SH3BP5: variants seen among roughly 807,000 people sequenced by gnomAD.
SH3BP5 encodes SH3 domain binding protein 5.
Under a neutral mutation model 43.3 loss-of-function variants are expected in SH3BP5, and 22 were observed. The observed-to-expected ratio is 0.51, with a 90% CI of 0.36 to 0.73. The LOEUF (loss-of-function observed/expected upper bound fraction) is 0.73. Ranked by LOEUF, SH3BP5 falls within the 30% of genes least tolerant of loss-of-function variation. The pLI is 0.00. For missense variants in SH3BP5, 529 were observed against 586.9 expected (o/e 0.90, Z 1.02); for synonymous variants, 255 against 225.8 (o/e 1.13, Z -1.16).
At chr3:15,299,433 G>A (rs1227803975) in intron 3 of SH3BP5, among the ~76,000 whole-genome samples, 2 of 148,678 alleles carry the variant, frequency 1.3e-5, no homozygotes, top group African/African-American at 2.5e-5. Flanking sequence ...AAATAAAATC[G>A]ATGCAAATTT....
intron 3 of SH3BP5, among the ~76,000 whole-genome samples, chr3:15,284,320 T>G (rs926689166): frequency 6.6e-6 from 1 of 152,216 alleles, no homozygotes; most frequent in Non-Finnish European, 1.5e-5. Flanking sequence ...CCCTCCTTAC[T>G]GCCTAGTTCT....
rs372850792 is a variant in SH3BP5, at chr3:15,315,503, T to C, written c.202-11272A>G. Reference sequence around the variant, plus strand: ...TATCTGAACCACCAAGAGGTTCCTTTCACTAAGAGGACAGAGACAAGGTAA... The same window carrying C: ...TATCTGAACCACCAAGAGGTTCCTTCCACTAAGAGGACAGAGACAAGGTAA... On this transcript the variant is annotated intron_variant, in intron 2 of 8. Coordinates refer to ENST00000383791, the MANE Select transcript of SH3BP5 (RefSeq NM_004844.5). Among the ~76,000 whole-genome samples, 106 of 152,158 alleles carry C rather than the reference T, an allele frequency of 7.0e-4. 1 individual carries two copies. In the South Asian group the frequency reaches 0.022, roughly 31 times the overall value.
At chr3:15,269,688 C>G in intron 4 of SH3BP5, 25 bp downstream of exon 4, 6 of 1,543,978 alleles carry the variant, frequency 3.9e-6, no homozygotes, top group Non-Finnish European at 5.3e-6. Flanking sequence ...CACACCCCCA[C>G]AGCACACCCG....
rs1009239814 is a variant in SH3BP5 at position 15,317,901 on chromosome 3, C to T, written c.201+12603G>A. 3.3e-5 allele frequency among the ~76,000 whole-genome samples: 5 copies of T among 152,148 alleles called. No homozygotes were observed. In the South Asian group the frequency reaches 8.3e-4, roughly 25 times the overall value. ...CAGGGCAAAGATTGAAAACCTGGTC[C>T]CCCAAGTCCTAGACAGCATTCTTTC... is the stretch of plus-strand genomic sequence containing the variant. On this transcript the variant is annotated intron_variant, in intron 2 of 8. Coordinates refer to ENST00000383791, the MANE Select transcript of SH3BP5 (RefSeq NM_004844.5).
chr3:15,274,646 A>G (rs984981220), intron 3 of SH3BP5, among the ~76,000 whole-genome samples: 3 of 152,152 alleles, frequency 2.0e-5, no homozygotes, highest in African/African-American at 7.2e-5. Flanking sequence ...GGTCCATGCC[A>G]CCACCACTGG....
chr3:15,304,358 T>G, intron 2 of SH3BP5, 127 bp from the exon 3 acceptor site: 1 of 1,402,808 alleles, frequency 7.1e-7, no homozygotes, highest in Non-Finnish European at 9.9e-7. Context: ...AAGTAGCACC[T>G]TTACAAGACA....
chr3:15,266,088 C>T (rs1235370770), intron 4 of SH3BP5, among the ~76,000 whole-genome samples: 1 of 152,216 alleles, frequency 6.6e-6, no homozygotes, highest in African/African-American at 2.4e-5. Context: ...AGTTACACTC[C>T]CAACATCTCT....
At chr3:15,266,606 C>T (rs1696653227) in intron 4 of SH3BP5, among the ~76,000 whole-genome samples, 1 of 152,188 alleles carries the variant, frequency 6.6e-6, no homozygotes. Context: ...TGCCCAAGCT[C>T]CCCAGCTGGA....
intron 5 of SH3BP5, 99 bp from the exon 6 acceptor site, chr3:15,259,902 G>T: frequency 9.2e-7 from 1 of 1,081,682 alleles, no homozygotes; most frequent in South Asian, 1.3e-5. Flanking sequence ...CACTGGCCAG[G>T]TCGTCCTTCC....
intron 3 of SH3BP5, chr3:15,273,540 C>T: frequency 3.3e-6 from 1 of 301,596 alleles, no homozygotes; most frequent in Non-Finnish European, 4.9e-6. Flanking sequence ...GTTTGCCTTG[C>T]CATATCACAG....
intron 4 of SH3BP5, among the ~76,000 whole-genome samples, chr3:15,265,512 T>TCACACACACACACACACACAC: frequency 9.3e-6 from 1 of 107,988 alleles, no homozygotes; most frequent in Admixed American, 1.0e-4. Flanking sequence ...CGAGACTCCG[T>TCACACACACACACACACACAC]CACACACACA....
intron 3 of SH3BP5, among the ~76,000 whole-genome samples, chr3:15,292,311 C>T (rs1697434715): frequency 6.6e-6 from 1 of 152,182 alleles, no homozygotes; most frequent in South Asian, 2.1e-4. Flanking sequence ...GTTAGCTTCA[C>T]AGAGAACACT....
At position 15,265,901 on chromosome 3, in the gene SH3BP5, C is replaced by T. The variant is rs140250510; in HGVS notation, c.496-3612G>A. Among the ~76,000 whole-genome samples, 395 of 152,240 alleles carry T rather than the reference C, an allele frequency of 2.6e-3. 4 individuals are homozygous for T. Among genetic ancestry groups the T allele is most frequent in the African/African-American group, 9.0e-3 (375 of 41,558 alleles). ...AAATAGCAAACACCCGGCACCTTCCCGCATGGGCACCACTGGGCACTGATT... is the reference window on the plus strand; with the variant it reads ...AAATAGCAAACACCCGGCACCTTCCTGCATGGGCACCACTGGGCACTGATT... On this transcript the variant is annotated intron_variant, in intron 4 of 8. Coordinates refer to ENST00000383791, the MANE Select transcript of SH3BP5 (RefSeq NM_004844.5).
intron 3 of SH3BP5, among the ~76,000 whole-genome samples, chr3:15,288,708 C>A (rs2125090372): frequency 6.6e-6 from 1 of 152,214 alleles, no homozygotes; most frequent in East Asian, 1.9e-4. Context: ...CCACTGCACT[C>A]CAGCCTGGGT....
At chr3:15,339,027 T>A (rs1698733763) in intron 1 of SH3BP5, among the ~76,000 whole-genome samples, 3 of 152,068 alleles carry the variant, frequency 2.0e-5, no homozygotes, top group Admixed American at 2.0e-4. Flanking sequence ...TCATGGCACA[T>A]AGCAAGGTGG....
chr3:15,284,715 A>C (rs555339680), intron 3 of SH3BP5, among the ~76,000 whole-genome samples: 4 of 152,340 alleles, frequency 2.6e-5, no homozygotes, highest in Admixed American at 2.6e-4. Flanking sequence ...ATGCCATTTA[A>C]CAGAGGCAGA....
intron 1 of SH3BP5, among the ~76,000 whole-genome samples, chr3:15,340,147 G>A (rs1202596869): frequency 6.6e-6 from 1 of 151,926 alleles, no homozygotes; most frequent in Non-Finnish European, 1.5e-5. Context: ...AAGGAAATAG[G>A]CAAGATAGAC....
intron 3 of SH3BP5, among the ~76,000 whole-genome samples, chr3:15,298,815 G>C (rs1575324567): frequency 6.6e-6 from 1 of 152,260 alleles, no homozygotes; most frequent in Non-Finnish European, 1.5e-5. Flanking sequence ...GAGGATTGGG[G>C]AGTTAGTGTT....
Position 15,259,821 on chromosome 3 carries a change from G to GA in SH3BP5, c.627-19dup. On this transcript the variant is annotated intron_variant, in intron 5 of 8. Coordinates refer to ENST00000383791, the MANE Select transcript of SH3BP5 (RefSeq NM_004844.5). ...AATAAGGCCTGCAGAAGACAGGAAG[G>GA]AAAGCCATCAGAGTAATATAATACA... 1 of 1,612,816 alleles carries GA rather than the reference G, an allele frequency of 6.2e-7. No homozygotes were observed. Among genetic ancestry groups the GA allele is most frequent in the Non-Finnish European group, 8.5e-7 (1 of 1,178,804 alleles).
Sources: gnomAD v4.1 joint callset for allele counts (sites outside exome capture counted in the v4.1 genomes callset) on GRCh38, gnomAD v4.1.1 for gene constraint, MANE v1.5 for transcripts, NCBI Gene and HGNC (gene_info 2026-07-23, HGNC 2026-07-21) for gene names.